The following MAP3K20 variants were observed in gnomAD, a reference collection of about 807,000 sequenced individuals.
MAP3K20 encodes the protein mitogen-activated protein kinase kinase kinase 20, also known as HCCS-4.
In MAP3K20, 40 loss-of-function variants were observed where a neutral mutation model predicts 85.7. The ratio of observed to expected loss-of-function variants is 0.47; its 90% CI spans 0.36 to 0.61. The LOEUF (loss-of-function observed/expected upper bound fraction) is 0.61. Ranked by LOEUF, MAP3K20 falls within the 20% of genes least tolerant of loss-of-function variation. MAP3K20 has a pLI of 0.00. For missense variants in MAP3K20, 817 were observed against 961.7 expected (o/e 0.85, Z 1.99); for synonymous variants, 325 against 327.7 (o/e 0.99, Z 0.09).
At chr2:173,243,853 C>T (rs1300506201) in intron 16 of MAP3K20, among the ~76,000 whole-genome samples, 1 of 152,150 alleles carries the variant, frequency 6.6e-6, no homozygotes, top group South Asian at 2.1e-4. Flanking sequence ...GTCTCGATCT[C>T]CTGATCTCGT....
intron 15 of MAP3K20, among the ~76,000 whole-genome samples, chr2:173,238,808 G>C (rs1030116046): frequency 6.6e-6 from 1 of 152,146 alleles, no homozygotes; most frequent in Non-Finnish European, 1.5e-5. Flanking sequence ...ATAGGGGATG[G>C]GAGGTTTACT....
intron 2 of MAP3K20, among the ~76,000 whole-genome samples, chr2:173,157,279 T>C (rs1689505102): frequency 6.6e-6 from 1 of 151,690 alleles, no homozygotes; most frequent in Admixed American, 6.6e-5. Flanking sequence ...TAATATTCTA[T>C]GATTCCAGAT....
chr2:173,168,149 A>G (rs1689892461), intron 2 of MAP3K20, among the ~76,000 whole-genome samples: 1 of 151,678 alleles, frequency 6.6e-6, no homozygotes, highest in Non-Finnish European at 1.5e-5. Flanking sequence ...TATTATAGTA[A>G]GAAGTAGGGT....
At chr2:173,183,745 T>A (rs561628997) in intron 4 of MAP3K20, among the ~76,000 whole-genome samples, 1 of 152,324 alleles carries the variant, frequency 6.6e-6, no homozygotes, top group Non-Finnish European at 1.5e-5. Flanking sequence ...TGAATTTTCC[T>A]GGGGCAATTA....
At chr2:173,130,237 G>A (rs1484094414) in intron 2 of MAP3K20, among the ~76,000 whole-genome samples, 2 of 152,082 alleles carry the variant, frequency 1.3e-5, no homozygotes, top group African/African-American at 4.8e-5. Flanking sequence ...ATAAATGTTG[G>A]TATTTTCATT....
intron 2 of MAP3K20, among the ~76,000 whole-genome samples, chr2:173,157,714 G>A (rs1419047158): frequency 6.6e-6 from 1 of 152,160 alleles, no homozygotes; most frequent in Non-Finnish European, 1.5e-5. Flanking sequence ...CTCCTGCTGT[G>A]CAATTAACTG....
intron 2 of MAP3K20, among the ~76,000 whole-genome samples, chr2:173,099,303 G>T (rs1389016038): frequency 4.7e-5 from 5 of 105,896 alleles, no homozygotes; most frequent in African/African-American, 1.5e-4. Flanking sequence ...TGTTGTTTTT[G>T]TTTGTTTGTT....
rs779736284 is a variant in MAP3K20, at chr2:173,229,706, G to C, written c.1005G>C (p.Glu335Asp). 1.9e-6 allele frequency: 3 copies of C among 1,614,020 alleles called. No homozygotes were observed. In the South Asian group the frequency reaches 3.3e-5, roughly 18 times the overall value. Residue 335 changes from glutamate to aspartate, a missense_variant, in exon 12 of 20, where the codon GAG becomes GAC. Coordinates refer to ENST00000375213, the MANE Select transcript of MAP3K20 (RefSeq NM_016653.3). ...QSNTPLLPSF[E>D]IGAWTEDDVY... ...CCATGCAGCTGCTGCCTTCCTTTGA[G>C]ATTGGTGCATGGACGGAAGACGATG...
intron 7 of MAP3K20, among the ~76,000 whole-genome samples, chr2:173,196,372 CCCTT>C (rs1447657075): frequency 6.6e-6 from 1 of 152,200 alleles, no homozygotes; most frequent in Non-Finnish European, 1.5e-5. Flanking sequence ...TGTTCTGTCA[CCCTT>C]CCTTTACGTG....
At chr2:173,120,673 A>G (rs1019826630) in intron 2 of MAP3K20, among the ~76,000 whole-genome samples, 4 of 144,576 alleles carry the variant, frequency 2.8e-5, no homozygotes, top group African/African-American at 1.0e-4. Flanking sequence ...GTTATTAGGT[A>G]TAACAGTGAT....
chr2:173,132,166 T>TC (rs1453958204), intron 2 of MAP3K20, among the ~76,000 whole-genome samples: 1 of 152,094 alleles, frequency 6.6e-6, no homozygotes, highest in Non-Finnish European at 1.5e-5. Flanking sequence ...CTCTGGTTAT[T>TC]CCCCCTTTCT....
intron 1 of MAP3K20, among the ~76,000 whole-genome samples, 168 bp downstream of exon 1, chr2:173,076,170 GC>G (rs1330881550): frequency 1.3e-5 from 2 of 151,316 alleles, no homozygotes; most frequent in Non-Finnish European, 3.0e-5. Flanking sequence ...GGCCCGCCCG[GC>G]GGCGGCGGCC....
At chr2:173,181,042 AAAC>A (rs1461838652) in intron 3 of MAP3K20, among the ~76,000 whole-genome samples, 1 of 152,228 alleles carries the variant, frequency 6.6e-6, no homozygotes, top group Non-Finnish European at 1.5e-5. Context: ...GAACTCAATA[AAAC>A]AACCCAGTGT....
intron 2 of MAP3K20, among the ~76,000 whole-genome samples, chr2:173,114,366 T>C (rs909279378): frequency 6.6e-6 from 1 of 152,192 alleles, no homozygotes; most frequent in Non-Finnish European, 1.5e-5. Flanking sequence ...AAGTGGAGCA[T>C]TTAGGCCATT....
intron 2 of MAP3K20, among the ~76,000 whole-genome samples, chr2:173,110,200 CATATATATATATATATATATATATATAT>C (rs61019253): frequency 3.1e-5 from 1 of 32,342 alleles, no homozygotes; most frequent in African/African-American, 1.2e-4. Flanking sequence ...ATATGTTATA[CATATATATATATATATATATATATATAT>C]ATATATATAT....
intron 11 of MAP3K20, chr2:173,223,639 TGAGCC>T (rs1684310604): frequency 3.0e-5 from 30 of 985,328 alleles, no homozygotes; most frequent in Non-Finnish European, 3.6e-5. Flanking sequence ...TTGAAAACTA[TGAGCC>T]CTGGCCAGCT....
At chr2:173,194,810 T>C (rs1481461544) in intron 7 of MAP3K20, among the ~76,000 whole-genome samples, 1 of 152,056 alleles carries the variant, frequency 6.6e-6, no homozygotes, top group Non-Finnish European at 1.5e-5. Context: ...ATATTTTTGC[T>C]TTTTGTTTTT....
chr2:173,172,988 G>A (rs1574077611), intron 3 of MAP3K20, among the ~76,000 whole-genome samples: 1 of 151,972 alleles, frequency 6.6e-6, no homozygotes, highest in African/African-American at 2.4e-5. Flanking sequence ...AGTAGAGACG[G>A]GGTTTCACCA....
At chr2:173,169,654 A>G in intron 2 of MAP3K20, 151 bp from the exon 3 acceptor site, 2 of 670,812 alleles carry the variant, frequency 3.0e-6, no homozygotes, top group East Asian at 3.0e-5. Context: ...CAGGAGGCCA[A>G]GGCTGCAGTG....
Sources: gnomAD v4.1 joint callset for allele counts (sites outside exome capture counted in the v4.1 genomes callset) on GRCh38, gnomAD v4.1.1 for gene constraint, MANE v1.5 for transcripts, NCBI Gene and HGNC (gene_info 2026-07-23, HGNC 2026-07-21) for gene names.